SARNP: variants seen among roughly 807,000 people sequenced by gnomAD.
SARNP encodes the protein SAP domain-containing ribonucleoprotein.
Under a neutral mutation model 38.1 loss-of-function variants are expected in SARNP, and 5 were observed. That is an observed-to-expected ratio of 0.13 (90% CI 0.07 to 0.28). The LOEUF is 0.28. SARNP is among the 10% of genes least tolerant of loss of function. The pLI is 1.00. For missense variants in SARNP, 180 were observed against 243.9 expected (o/e 0.74, Z 1.75); for synonymous variants, 84 against 80.6 (o/e 1.04, Z -0.23).
chr12:55,793,539 G>A (rs944890514), intron 7 of SARNP: 1 of 151,404 alleles, frequency 6.6e-6, no homozygotes, highest in Admixed American at 6.6e-5. Flanking sequence ...CATATCTGCA[G>A]GTTTCACATC....
intron 10 of SARNP, among the ~76,000 whole-genome samples, chr12:55,758,098 T>C (rs761740954): frequency 2.6e-5 from 4 of 152,094 alleles, no homozygotes; most frequent in African/African-American, 9.7e-5. Context: ...GTGAGTGGTA[T>C]GTGGGTGAGT....
intron 1 of SARNP, among the ~76,000 whole-genome samples, chr12:55,807,451 C>T (rs772015792): frequency 1.3e-5 from 2 of 151,838 alleles, no homozygotes; most frequent in Non-Finnish European, 1.5e-5. Flanking sequence ...GGGAGGATTG[C>T]CTGAATCCAG....
chr12:55,800,721 T>C (rs112792068), intron 3 of SARNP, 92 bp from the exon 4 acceptor site: 1 of 1,288,040 alleles, frequency 7.8e-7, no homozygotes, highest in South Asian at 1.2e-5. Context: ...TAAACCAGTC[T>C]CTCAGAACCT....
chr12:55,770,636 A>G (rs530508844), intron 9 of SARNP, among the ~76,000 whole-genome samples: 1 of 152,300 alleles, frequency 6.6e-6, no homozygotes, highest in East Asian at 1.9e-4. Flanking sequence ...ATCAGATGCA[A>G]CAATTGGCAG....
chr12:55,779,178 G>A (rs575121712), intron 9 of SARNP, among the ~76,000 whole-genome samples: 45 of 152,180 alleles, frequency 3.0e-4, no homozygotes, highest in Non-Finnish European at 6.0e-4. Flanking sequence ...TTTCCTTGTT[G>A]GTTAATCTAA....
At chr12:55,764,005 T>C (rs552995126) in intron 9 of SARNP, among the ~76,000 whole-genome samples, 16 of 152,270 alleles carry the variant, frequency 1.1e-4, no homozygotes, top group African/African-American at 3.4e-4. Flanking sequence ...GGAGGAAGGA[T>C]CACTAGAACC....
chr12:55,808,214 G>A (rs945894041), intron 1 of SARNP, among the ~76,000 whole-genome samples: 4 of 152,124 alleles, frequency 2.6e-5, no homozygotes, highest in African/African-American at 9.7e-5. Flanking sequence ...TGGGCATGGT[G>A]GCTCATGCCT....
At chr12:55,756,409 T>C (rs1262132738), downstream of SARNP, 2 of 152,156 alleles carry the variant, frequency 1.3e-5, no homozygotes, top group East Asian at 1.9e-4. Flanking sequence ...TAAAGAGATA[T>C]CTTGACATTA....
chr12:55,792,115 G>A (rs773317956), intron 7 of SARNP, among the ~76,000 whole-genome samples: 4 of 151,892 alleles, frequency 2.6e-5, no homozygotes, highest in Non-Finnish European at 4.4e-5. Flanking sequence ...AAAGCACCAC[G>A]TTCTATAATT....
intron 4 of SARNP, among the ~76,000 whole-genome samples, chr12:55,799,993 C>T (rs1259391538): frequency 6.6e-6 from 1 of 151,710 alleles, no homozygotes; most frequent in Admixed American, 6.6e-5. Flanking sequence ...AGTTCAAAAC[C>T]AGCCTGGCCA....
intron 7 of SARNP, among the ~76,000 whole-genome samples, chr12:55,790,849 T>C (rs914414052): frequency 6.6e-6 from 1 of 152,198 alleles, no homozygotes; most frequent in African/African-American, 2.4e-5. Context: ...CTGCTAGCTA[T>C]ACAGCTAAGA....
intron 10 of SARNP, chr12:55,760,304 C>T (rs1878635234): frequency 6.2e-6 from 3 of 481,336 alleles, no homozygotes; most frequent in South Asian, 4.3e-5. Flanking sequence ...AGTTTGAGAC[C>T]AGCCTGAGCA....
intron 1 of SARNP, among the ~76,000 whole-genome samples, chr12:55,813,536 G>A (rs1266408055): frequency 8.2e-6 from 1 of 121,972 alleles, no homozygotes; most frequent in African/African-American, 3.2e-5. Flanking sequence ...CAGGCTGCCT[G>A]GAATTTTTTT....
At chr12:55,772,712 CTT>C (rs11428581) in intron 9 of SARNP, among the ~76,000 whole-genome samples, 29 of 130,206 alleles carry the variant, frequency 2.2e-4, no homozygotes, top group Admixed American at 2.4e-4. Context: ...GAAGCTGAAA[CTT>C]TTTTTTTTTT....
rs567748197 is a variant in SARNP at position 55,757,460 on chromosome 12, G to C, written c.*52C>G. The C allele has an allele frequency of 6.9e-5, 105 of 1,524,660 alleles. No individual in the cohort carries two copies. The highest frequency in any genetic ancestry group is 4.6e-5 in the Non-Finnish European group (51 of 1,112,992). The allele number at this position is 1,524,660 out of a possible 1,614,324, so 94.4% of individuals were successfully genotyped here. A position where few individuals can be genotyped will look rare whatever the true frequency, so the allele number is the denominator to read the frequency against. On this transcript the variant is annotated 3_prime_UTR_variant, in exon 11 of 11. Coordinates refer to ENST00000336133, the MANE Select transcript of SARNP (RefSeq NM_033082.4). Reference sequence around the variant, plus strand: ...ATTTAGGCATATATGTGACCAAGAAGAAGGAGAGAAATGGAAAACACTGGA... The same window carrying C: ...ATTTAGGCATATATGTGACCAAGAACAAGGAGAGAAATGGAAAACACTGGA...
At chr12:55,775,740 CA>C (rs1169115391) in intron 9 of SARNP, among the ~76,000 whole-genome samples, 5 of 152,038 alleles carry the variant, frequency 3.3e-5, no homozygotes, top group Non-Finnish European at 5.9e-5. Context: ...GCCTCATCCC[CA>C]CCTCCATCTC....
At chr12:55,763,183 A>T (rs539454641) in intron 9 of SARNP, among the ~76,000 whole-genome samples, 9 of 152,244 alleles carry the variant, frequency 5.9e-5, no homozygotes. Context: ...AAAGAAAAAC[A>T]TAAGTATTCT....
At chr12:55,807,270 G>T (rs74091414) in intron 1 of SARNP, among the ~76,000 whole-genome samples, 6,320 of 152,192 alleles carry the variant, frequency 0.042, 462 homozygotes, top group African/African-American at 0.14. Flanking sequence ...CTCGGTTTTT[G>T]TATTTATCTC....
chr12:55,795,989 T>A, intron 5 of SARNP, 36 bp downstream of exon 5: 1 of 1,422,764 alleles, frequency 7.0e-7, no homozygotes. Context: ...GAGAGAGAAA[T>A]GTAGAGACTG....
Sources: gnomAD v4.1 joint callset for allele counts (sites outside exome capture counted in the v4.1 genomes callset) on GRCh38, gnomAD v4.1.1 for gene constraint, MANE v1.5 for transcripts, NCBI Gene and HGNC (gene_info 2026-07-23, HGNC 2026-07-21) for gene names.